TLK1: variants seen among roughly 807,000 people sequenced by gnomAD.
The protein encoded by TLK1 is serine/threonine-protein kinase tousled-like 1.
Under a neutral mutation model 105.3 loss-of-function variants are expected in TLK1, and 24 were observed. That is an observed-to-expected ratio of 0.23 (90% CI 0.17 to 0.32). The LOEUF is 0.32. Among genes scored for constraint, TLK1 ranks in the 10% least tolerant of loss-of-function variants. TLK1 has a pLI of 1.00. For synonymous variants in TLK1, 321 were observed against 310.4 expected, an observed-to-expected ratio of 1.03 and a Z score of -0.36; for missense variants, 558 against 910.5, an observed-to-expected ratio of 0.61 and a Z score of 4.98.
intron 11 of TLK1, among the ~76,000 whole-genome samples, chr2:171,034,255 A>C (rs57236236): frequency 0.19 from 28,962 of 152,152 alleles, 3,090 homozygotes; most frequent in Non-Finnish European, 0.24. Flanking sequence ...TACTAGACAG[A>C]TAAAGAAAAC....
intron 12 of TLK1, 131 bp from the exon 13 acceptor site, chr2:171,015,079 G>C: frequency 3.0e-6 from 2 of 674,254 alleles, no homozygotes; most frequent in Non-Finnish European, 5.0e-6. Context: ...CGAGTTAAAA[G>C]ACCAAAGTGC....
At chr2:171,132,273 G>A (rs949593722) in intron 1 of TLK1, among the ~76,000 whole-genome samples, 12 of 152,124 alleles carry the variant, frequency 7.9e-5, no homozygotes, top group East Asian at 1.9e-4. Context: ...ACTCACTATC[G>A]GGAGGAGACC....
At chr2:171,012,434 C>CA (rs952493842) in intron 13 of TLK1, among the ~76,000 whole-genome samples, 59 of 150,254 alleles carry the variant, frequency 3.9e-4, no homozygotes, top group African/African-American at 1.1e-3. Context: ...TGTACACTTT[C>CA]AAAAAAAAAG....
At position 171,082,783 on chromosome 2, in the gene TLK1, C is replaced by T; in HGVS notation, c.328G>A (p.Glu110Lys). The change falls in exon 3 of 21, where the codon GAG becomes AAG. Residue 110 changes from glutamate to lysine, a missense_variant and splice_region_variant. Around this residue, in one of 5 missense-constraint regions of TLK1, gnomAD observed 13 missense variants for 39.9 expected, o/e 0.33. Transcript: ENST00000431350. ...SLGSLSDKES[E>K]TPEKKQSESS... ...ATATTTAAAATGAAATTACTTACCTCTGATTCTTTGTCACTTAAAGATCCC... is the reference window on the plus strand; with the variant it reads ...ATATTTAAAATGAAATTACTTACCTTTGATTCTTTGTCACTTAAAGATCCC... The T allele has an allele frequency of 6.2e-7, 1 of 1,604,190 alleles. No individual in the cohort carries two copies. Among genetic ancestry groups the T allele is most frequent in the Non-Finnish European group, 8.5e-7 (1 of 1,174,242 alleles).
chr2:171,096,940 T>G (rs146225023), intron 2 of TLK1, among the ~76,000 whole-genome samples: 18 of 152,268 alleles, frequency 1.2e-4, no homozygotes, highest in African/African-American at 3.6e-4. Context: ...GTAATCCTAA[T>G]AAAACTCCAA....
chr2:171,210,674 G>A (rs577440112), intron 1 of TLK1, among the ~76,000 whole-genome samples: 362 of 152,166 alleles, frequency 2.4e-3, no homozygotes, highest in Non-Finnish European at 3.8e-3. Flanking sequence ...CGGACACTTC[G>A]GACTCTGACT....
intron 13 of TLK1, among the ~76,000 whole-genome samples, chr2:171,013,494 CAG>C: frequency 6.6e-6 from 1 of 151,804 alleles, no homozygotes; most frequent in Middle Eastern, 3.4e-3. Context: ...TTTGTAGAGA[CAG>C]GGTTTTTCCA....
intron 3 of TLK1, among the ~76,000 whole-genome samples, chr2:171,062,509 A>G (rs936593684): frequency 6.6e-6 from 1 of 152,198 alleles, no homozygotes; most frequent in Non-Finnish European, 1.5e-5. Flanking sequence ...ATTCAGAGAA[A>G]TTGGACCAAA....
chr2:171,007,213 G>T, intron 14 of TLK1, 150 bp from the exon 15 acceptor site: 1 of 509,412 alleles, frequency 2.0e-6, no homozygotes. Flanking sequence ...ACTATATATA[G>T]CTCAATGACA....
chr2:171,196,010 C>T (rs1174743671), intron 1 of TLK1, among the ~76,000 whole-genome samples: 1 of 122,166 alleles, frequency 8.2e-6, no homozygotes, highest in East Asian at 2.7e-4. Context: ...TGCACTCCAG[C>T]CTGAGTAACA....
intron 2 of TLK1, among the ~76,000 whole-genome samples, chr2:171,107,269 C>CTTATTA (rs1296755344): frequency 1.3e-5 from 2 of 152,180 alleles, no homozygotes; most frequent in Non-Finnish European, 2.9e-5. Flanking sequence ...TCTGATCTTG[C>CTTATTA]TTATTATGGT....
rs1014724555 is a variant in TLK1, at chr2:171,014,336, G to A, written c.1334+515C>T. On this transcript the variant is annotated intron_variant, in intron 13 of 20. Coordinates refer to ENST00000431350, the MANE Select transcript of TLK1 (RefSeq NM_012290.5). ...TCCAGAAAATATAAAGCAAGGTAAC[G>A]ATATTAAAAGAGGAAATGAAGAAGC... 8.0e-5 allele frequency among the ~76,000 whole-genome samples: 12 copies of A among 150,704 alleles called. 1 individual carries two copies. Among genetic ancestry groups the A allele is most frequent in the Admixed American group, 2.6e-4 (4 of 15,142 alleles).
At chr2:171,217,775 G>A (rs777550686) in intron 1 of TLK1, among the ~76,000 whole-genome samples, 7 of 152,310 alleles carry the variant, frequency 4.6e-5, no homozygotes, top group East Asian at 3.9e-4. Flanking sequence ...AGAAGAGTAC[G>A]TGTAATATGG....
In TLK1 at chr2:171,058,206, T is replaced by C. The variant is rs1365889779; in HGVS notation, c.407-9A>G. On this transcript the variant is annotated splice_polypyrimidine_tract_variant and intron_variant, in intron 4 of 20. Coordinates refer to ENST00000431350, the MANE Select transcript of TLK1 (RefSeq NM_012290.5). ...TCCCCCAATACTTTTTCCTAAAATA[T>C]AAGAAGCGCATGATGTTAGTAGGGT... 1.2e-6 allele frequency: 2 copies of C among 1,613,232 alleles called. No homozygotes were observed. Among genetic ancestry groups the C allele is most frequent in the Middle Eastern group, 1.6e-4 (1 of 6,076 alleles).
chr2:171,198,202 C>T lies in TLK1; in HGVS notation c.-6+32943G>A, dbSNP rs139975268. Among the ~76,000 whole-genome samples, 588 of 152,084 alleles carry T rather than the reference C, an allele frequency of 3.9e-3. 2 individuals are homozygous for T. The highest frequency in any genetic ancestry group is 0.013 in the African/African-American group (557 of 41,486). ...CAAGAACAGAGAAAAAAAATGATAA[C>T]GGTAAAGAAACATGGGCTGGCCAGC... On this transcript the variant is annotated intron_variant, in intron 1 of 20. Coordinates refer to the TLK1 transcript ENST00000521943.
chr2:171,000,197 G>A (rs539402430), intron 18 of TLK1, among the ~76,000 whole-genome samples: 8 of 152,086 alleles, frequency 5.3e-5, no homozygotes, highest in African/African-American at 1.9e-4. Flanking sequence ...CCAACATGGT[G>A]AAACCCTGTC....
intron 8 of TLK1, 90 bp downstream of exon 8, chr2:171,053,671 T>A: frequency 2.8e-6 from 3 of 1,084,272 alleles, no homozygotes; most frequent in Non-Finnish European, 3.9e-6. Flanking sequence ...TAGCTACAGA[T>A]TTTTTTACAA....
chr2:171,191,357 C>T (rs774506194), intron 1 of TLK1, among the ~76,000 whole-genome samples: 1 of 149,942 alleles, frequency 6.7e-6, no homozygotes, highest in African/African-American at 2.5e-5. Flanking sequence ...TCACTTGAGG[C>T]CAAGAGTTCA....
rs972890664 is a variant in TLK1 at position 171,160,716 on chromosome 2, G to C, written c.-288C>G. 4.2e-6 allele frequency: 2 copies of C among 472,174 alleles called. No homozygotes were observed. The highest frequency in any genetic ancestry group is 3.6e-6 in the Non-Finnish European group (1 of 277,488). The allele number at this position is 472,174 out of a possible 1,614,324, so 29.2% of individuals were successfully genotyped here. ...AAAGGAGCGCGGCGGCGGAGGCGTC[G>C]AGGGGGTGCCAGCCGGGCCGGGGTC... On this transcript the variant is annotated 5_prime_UTR_variant, in exon 1 of 21. Coordinates refer to ENST00000431350, the MANE Select transcript of TLK1 (RefSeq NM_012290.5). This position sits in a 1 kb window ranked among gnomAD's most constrained non-coding sequence, Gnocchi z 4.4.
Sources: gnomAD v4.1 joint callset for allele counts (sites outside exome capture counted in the v4.1 genomes callset) on GRCh38, gnomAD v4.1.1 for gene constraint, gnomAD v4.1.1 regional missense constraint, Gnocchi (gnomAD v3.1) non-coding constraint, MANE v1.5 for transcripts, NCBI Gene and HGNC (gene_info 2026-07-23, HGNC 2026-07-21) for gene names.